The following ADGRB2 variants were observed in gnomAD, a reference collection of about 807,000 sequenced individuals.
ADGRB2 encodes adhesion G protein-coupled receptor B2.
Under a neutral mutation model 178.7 loss-of-function variants are expected in ADGRB2, and 47 were observed. The observed-to-expected ratio is 0.26, with a 90% CI of 0.21 to 0.34. The LOEUF (loss-of-function observed/expected upper bound fraction) is 0.34, where lower values mean the gene tolerates loss of function less well. Among genes scored for constraint, ADGRB2 ranks in the 10% least tolerant of loss-of-function variants. ADGRB2 has a pLI of 1.00. For synonymous variants in ADGRB2, 870 were observed against 912.4 expected (o/e 0.95, Z 0.84); for missense variants, 1,584 against 2,180.8 (o/e 0.73, Z 5.45).
At chr1:31,750,351 C>T (rs1646503215) in intron 4 of ADGRB2, among the ~76,000 whole-genome samples, 1 of 152,192 alleles carries the variant, frequency 6.6e-6, no homozygotes, top group Non-Finnish European at 1.5e-5. Flanking sequence ...CAAACATGGG[C>T]CAGATATTGC....
In ADGRB2 at chr1:31,733,113, C is replaced by G; in HGVS notation, c.3483G>C (p.Leu1161=). 1 of 1,586,208 alleles carries G rather than the reference C, an allele frequency of 6.3e-7. No homozygotes were observed. The highest frequency in any genetic ancestry group is 8.6e-7 in the Non-Finnish European group (1 of 1,166,248). ...ACATCCAGGTGAGCGCCAGCAGGGG[C>G]AGCACCACGCAGGAGCTCCAGAGTG... ...MASLWSSCVV[L]PLLALTWMSA... is the part of the protein sequence containing the mutation. The change falls in exon 26 of 33, where the codon CTG becomes CTC. Residue 1161 remains leucine, a synonymous_variant. Transcript: ENST00000373658. The surrounding 1 kb of genome is among the most constrained non-coding windows in gnomAD (Gnocchi z 4.3).
At position 31,736,398 on chromosome 1, in the gene ADGRB2, AGC is replaced by A; in HGVS notation, c.3131-10_3131-9del. On this transcript the variant is annotated splice_polypyrimidine_tract_variant and intron_variant, in intron 21 of 32. Transcript: ENST00000373658. ...CCACCAGGGCAGGCAGACCTGGGGG[AGC>A]AGGGGTGCCAGAGTGAGATGGTTGC... The A allele has an allele frequency of 3.1e-6, 5 of 1,613,750 alleles. No homozygotes were observed. Among genetic ancestry groups the A allele is most frequent in the Non-Finnish European group, 4.2e-6 (5 of 1,179,896 alleles).
chr1:31,740,225 AG>A lies in ADGRB2; in HGVS notation c.1990-48del. ...GCAGGGGGTCCTAGCCCCAGGGAAC[AG>A]GGGGCTTCCCCCACTATAGCCACAC... On this transcript the variant is annotated intron_variant, in intron 12 of 32. Coordinates refer to ENST00000373658, the MANE Select transcript of ADGRB2 (RefSeq NM_001364857.2). The surrounding 1 kb of genome is among the most constrained non-coding windows in gnomAD (Gnocchi z 5.9). The A allele has an allele frequency of 6.2e-7, 1 of 1,611,060 alleles. No individual in the cohort carries two copies. The highest frequency in any genetic ancestry group is 1.1e-5 in the South Asian group (1 of 90,992).
intron 18 of ADGRB2, 122 bp from the exon 19 acceptor site, chr1:31,737,877 G>A (rs1645709913): frequency 1.1e-6 from 1 of 922,622 alleles, no homozygotes; most frequent in Middle Eastern, 3.2e-4. Flanking sequence ...CCTTCTTGCT[G>A]TTGTACTCAT....
intron 18 of ADGRB2, 131 bp from the exon 19 acceptor site, chr1:31,737,886 A>G: frequency 1.2e-6 from 1 of 865,052 alleles, no homozygotes; most frequent in Non-Finnish European, 1.8e-6. Context: ...TGTTGTACTC[A>G]TGTATGCACA....
In ADGRB2 at chr1:31,744,814, G is replaced by C. The variant is rs1646191323; in HGVS notation, c.839-83C>G. On this transcript the variant is annotated intron_variant, in intron 4 of 32. Coordinates refer to ENST00000373658, the MANE Select transcript of ADGRB2 (RefSeq NM_001364857.2). This position sits in a 1 kb window ranked among gnomAD's most constrained non-coding sequence, Gnocchi z 6.7. ...TGGCACAGTGAAGGCAGCCTTCCTT[G>C]CCCTCCGCCTGAGGGCCTGGAACCA... 7.0e-7 allele frequency: 1 copy of C among 1,429,566 alleles called. No homozygotes were observed. The allele number at this position is 1,429,566 out of a possible 1,614,324, so 88.6% of individuals were successfully genotyped here.
rs558132204 is a variant in ADGRB2, at chr1:31,761,200, C to A, written c.-191+2684G>T. ...GGAGGCTGCCACTCCCCGGTGGGAC[C>A]CAGGTCCGGCCACACTACCCAGAGG... On this transcript the variant is annotated intron_variant, in intron 1 of 32. Coordinates refer to ENST00000373658, the MANE Select transcript of ADGRB2 (RefSeq NM_001364857.2). This position sits in a 1 kb window ranked among gnomAD's most constrained non-coding sequence, Gnocchi z 4.2. Among the ~76,000 whole-genome samples the A allele has an allele frequency of 5.9e-5, 9 of 152,352 alleles. No individual in the cohort carries two copies. Among genetic ancestry groups the A allele is most frequent in the African/African-American group, 2.2e-4 (9 of 41,590 alleles).
rs35281943 is a variant in ADGRB2 at position 31,750,879 on chromosome 1, G to GC, written c.838+5119dup. ...ATGTACCTAGCCAGAATGCCAGACC[G>GC]CCCCCCCCAATAATTCTTCCTCCCC... is the stretch of plus-strand genomic sequence containing the variant. On this transcript the variant is annotated intron_variant, in intron 4 of 32. Transcript: ENST00000373658. Among the ~76,000 whole-genome samples the GC allele has an allele frequency of 7.6e-3, 1,145 of 151,344 alleles. 17 individuals carry two copies. The highest frequency in any genetic ancestry group is 0.025 in the African/African-American group (1,030 of 41,204).
intron 4 of ADGRB2, among the ~76,000 whole-genome samples, chr1:31,751,258 G>C (rs1646555986): frequency 6.6e-6 from 1 of 152,212 alleles, no homozygotes; most frequent in Admixed American, 6.5e-5. Context: ...AAAGCATGGG[G>C]CGGAAGATGA....
In ADGRB2 at chr1:31,763,988, G is replaced by A. The variant is rs1227157725; in HGVS notation, c.-295C>T. ...GGGGACCGGGCCGGGCGCAGGGTAGGTAGCTGCAGCCGCGCGGAGGGCCGA... is the reference window on the plus strand; with the variant it reads ...GGGGACCGGGCCGGGCGCAGGGTAGATAGCTGCAGCCGCGCGGAGGGCCGA... On this transcript the variant is annotated 5_prime_UTR_variant, in exon 1 of 33. Coordinates refer to ENST00000373658, the MANE Select transcript of ADGRB2 (RefSeq NM_001364857.2). The A allele has an allele frequency of 5.1e-6, 5 of 981,650 alleles. No homozygotes were observed. In the East Asian group the frequency reaches 4.7e-4, roughly 92 times the overall value. 60.8% of individuals were successfully genotyped at this position (981,650 alleles called of 1,614,324 possible).
At chr1:31,748,907 G>GTTCT (rs1468099983) in intron 4 of ADGRB2, among the ~76,000 whole-genome samples, 1 of 152,196 alleles carries the variant, frequency 6.6e-6, no homozygotes, top group East Asian at 1.9e-4. Context: ...TTACTAATGA[G>GTTCT]AAAGGAAGCT....
chr1:31,759,244 C>A lies in ADGRB2; in HGVS notation c.-190-1733G>T, dbSNP rs11800536. ...TGTCACACACACTCAGGAGTTAACACGCACACACAGGGGTGTAGAGGCTTA... is the reference window on the plus strand; with the variant it reads ...TGTCACACACACTCAGGAGTTAACAAGCACACACAGGGGTGTAGAGGCTTA... On this transcript the variant is annotated intron_variant, in intron 1 of 32. Coordinates refer to ENST00000373658, the MANE Select transcript of ADGRB2 (RefSeq NM_001364857.2). This position sits in a 1 kb window ranked among gnomAD's most constrained non-coding sequence, Gnocchi z 4.3. The A allele has an allele frequency of 7.0e-5, 54 of 771,688 alleles. No individual in the cohort carries two copies. In the African/African-American group the frequency reaches 9.0e-4, roughly 13 times the overall value. 47.8% of individuals were successfully genotyped at this position (771,688 alleles called of 1,614,324 possible).
At position 31,730,371 on chromosome 1, in the gene ADGRB2, C is replaced by G. The variant is rs191605827; in HGVS notation, c.4380+429G>C. 5.8e-4 allele frequency among the ~76,000 whole-genome samples: 89 copies of G among 152,348 alleles called. 1 individual carries two copies. Among genetic ancestry groups the G allele is most frequent in the African/African-American group, 1.7e-3 (69 of 41,564 alleles). On this transcript the variant is annotated intron_variant, in intron 29 of 32. Transcript: ENST00000373658. ...TTACATCACTCAATCCTCAAAACGA[C>G]TCCACAAAGAGACTGCTACGGTATC...
chr1:31,742,778 T>C (rs575994530), intron 7 of ADGRB2, 60 bp downstream of exon 7: 2 of 1,367,828 alleles, frequency 1.5e-6, no homozygotes, highest in Non-Finnish European at 1.9e-6. Flanking sequence ...CCTCCCCAGG[T>C]CTCCCGACCC....
intron 28 of ADGRB2, 38 bp downstream of exon 28, chr1:31,732,077 C>A: frequency 6.2e-7 from 1 of 1,613,608 alleles, no homozygotes; most frequent in Non-Finnish European, 8.5e-7. Context: ...TCTTCTCCAA[C>A]CCCAGGACCA....
rs767326029 is a variant in ADGRB2 at position 31,755,961 on chromosome 1, TG to T, written c.838+37del. ...GGACACCAGGGACACTGTCAGCCCCTGCAGACCCCGCCCCACCCAGGCCCTG... is the reference window on the plus strand; with the variant it reads ...GGACACCAGGGACACTGTCAGCCCCTCAGACCCCGCCCCACCCAGGCCCTG... On this transcript the variant is annotated intron_variant, in intron 4 of 32. Coordinates refer to ENST00000373658, the MANE Select transcript of ADGRB2 (RefSeq NM_001364857.2). This position sits in a 1 kb window ranked among gnomAD's most constrained non-coding sequence, Gnocchi z 5.1. 9 of 1,568,558 alleles carry T rather than the reference TG, an allele frequency of 5.7e-6. No individual in the cohort carries two copies. The highest frequency in any genetic ancestry group is 7.8e-6 in the Non-Finnish European group (9 of 1,153,792).
chr1:31,746,853 G>A (rs942322562), intron 4 of ADGRB2, among the ~76,000 whole-genome samples: 3 of 152,190 alleles, frequency 2.0e-5, no homozygotes, highest in East Asian at 1.9e-4. Flanking sequence ...CTCCCCTTGC[G>A]GCAGCCCAGG....
Position 31,738,628 on chromosome 1 carries a change from C to T in ADGRB2, c.2604G>A (p.Gly868=). The change falls in exon 17 of 33, where the codon GGG becomes GGA. Residue 868 remains glycine (G), a splice_region_variant and synonymous_variant. Coordinates refer to ENST00000373658, the MANE Select transcript of ADGRB2 (RefSeq NM_001364857.2). ...AGCTGGCGCAATGGGGATCCGTGGT[C>T]CCCTGGGGAGCAAAAGACATGAGTG... ...ITVELSYIIN[G]TTDPHCASWD... is the part of the protein sequence containing the mutation. 1 of 1,612,148 alleles carries T rather than the reference C, an allele frequency of 6.2e-7. No individual in the cohort carries two copies. Among genetic ancestry groups the T allele is most frequent in the Non-Finnish European group, 8.5e-7 (1 of 1,179,142 alleles).
intron 15 of ADGRB2, 132 bp from the exon 16 acceptor site, chr1:31,739,069 G>A: frequency 3.4e-6 from 3 of 889,894 alleles, no homozygotes; most frequent in Non-Finnish European, 5.1e-6. Flanking sequence ...AACTCAGTGG[G>A]GTCCAGGACT....
Sources: gnomAD v4.1 joint callset for allele counts (sites outside exome capture counted in the v4.1 genomes callset) on GRCh38, gnomAD v4.1.1 for gene constraint, Gnocchi (gnomAD v3.1) non-coding constraint, MANE v1.5 for transcripts, NCBI Gene and HGNC (gene_info 2026-07-23, HGNC 2026-07-21) for gene names.